MRPS31: variants seen among roughly 807,000 people sequenced by gnomAD.
MRPS31 encodes mitochondrial ribosomal protein S31.
A neutral mutation model predicts 43.1 loss-of-function variants in MRPS31; 32 were observed. The observed-to-expected ratio is 0.74, with a 90% CI of 0.56 to 1.00. The LOEUF (loss-of-function observed/expected upper bound fraction) is 1.00, where lower values mean the gene tolerates loss of function less well. Ranked by LOEUF, MRPS31 falls within the 50% of genes least tolerant of loss-of-function variation. The pLI, the probability that MRPS31 is intolerant of heterozygous loss-of-function variation, is 0.00. For synonymous variants in MRPS31, 165 were observed against 161.6 expected (o/e 1.02, Z -0.16); for missense variants, 437 against 466.7 (o/e 0.94, Z 0.59).
intron 3 of MRPS31, 79 bp from the exon 4 acceptor site, chr13:40,757,092 A>G: frequency 9.2e-7 from 1 of 1,087,818 alleles, no homozygotes; most frequent in Non-Finnish European, 1.3e-6. Flanking sequence ...AGGAGACTTG[A>G]GATCATTTAA....
At chr13:40,757,445 T>TTC (rs1397964011) in intron 3 of MRPS31, among the ~76,000 whole-genome samples, 2 of 145,822 alleles carry the variant, frequency 1.4e-5, no homozygotes, top group African/African-American at 2.5e-5. Flanking sequence ...TCTTCCTTTT[T>TTC]TTTTTTTTTT....
intron 6 of MRPS31, among the ~76,000 whole-genome samples, chr13:40,742,477 C>T (rs917555428): frequency 3.3e-5 from 5 of 152,148 alleles, no homozygotes; most frequent in African/African-American, 1.2e-4. Context: ...CCTGTCAGTA[C>T]TTTAAGGCTC....
In MRPS31 at chr13:40,766,968, T is replaced by C. The variant is rs756646860; in HGVS notation, c.218A>G (p.Gln73Arg). 6.2e-7 allele frequency: 1 copy of C among 1,614,172 alleles called. No homozygotes were observed. The highest frequency in any genetic ancestry group is 8.5e-7 in the Non-Finnish European group (1 of 1,180,002). Residue 73 changes from glutamine to arginine, a missense_variant, in exon 2 of 7, where the codon CAG becomes CGG. Gln to Arg is a conservative substitution (Grantham distance 43). Coordinates refer to ENST00000323563, the MANE Select transcript of MRPS31 (RefSeq NM_005830.4). Reference sequence around the variant, plus strand: ...GGAAGTCTCCTCAGTTCGAACAGACTGCTTATCTTTCTTGCTACAGATCAC... The same window carrying C: ...GGAAGTCTCCTCAGTTCGAACAGACCGCTTATCTTTCTTGCTACAGATCAC... ...NSVICSKKDK[Q>R]SVRTEETSKE... is the part of the protein sequence containing the mutation.
chr13:40,758,790 T>C (rs973446225), intron 3 of MRPS31, among the ~76,000 whole-genome samples, 158 bp downstream of exon 3: 1 of 152,216 alleles, frequency 6.6e-6, no homozygotes, highest in Non-Finnish European at 1.5e-5. Context: ...ACTTAAGACA[T>C]AAGTTTTTTA....
intron 6 of MRPS31, among the ~76,000 whole-genome samples, chr13:40,733,841 G>A (rs1593440428): frequency 1.3e-5 from 2 of 151,724 alleles, no homozygotes; most frequent in Admixed American, 6.6e-5. Flanking sequence ...GCATGGTGGT[G>A]GGCGCCTGTA....
Position 40,770,967 on chromosome 13 carries a change from G to C in MRPS31, c.152+18C>G, listed in dbSNP as rs894409715. On this transcript the variant is annotated intron_variant, in intron 1 of 6. Transcript: ENST00000323563. ...GGAGGATGTACAGGACGGGGCACGG[G>C]GTTGCCTGAGGACCTACCGGGCCAA... 1.9e-5 allele frequency: 30 copies of C among 1,613,900 alleles called. No individual in the cohort carries two copies. The highest frequency in any genetic ancestry group is 2.4e-5 in the Non-Finnish European group (28 of 1,179,968).
intron 4 of MRPS31, among the ~76,000 whole-genome samples, chr13:40,755,166 G>A (rs965986335): frequency 9.9e-5 from 15 of 152,124 alleles, no homozygotes; most frequent in African/African-American, 2.4e-4. Context: ...CCATATGAAC[G>A]TTAAATAATG....
chr13:40,743,488 C>T (rs902271075), intron 6 of MRPS31, among the ~76,000 whole-genome samples: 2 of 152,110 alleles, frequency 1.3e-5, no homozygotes, highest in African/African-American at 4.8e-5. Context: ...CTATAAGGAA[C>T]TCAAACAATT....
chr13:40,763,648 T>G (rs1031538991), intron 2 of MRPS31, among the ~76,000 whole-genome samples: 1 of 152,216 alleles, frequency 6.6e-6, no homozygotes, highest in Non-Finnish European at 1.5e-5. Context: ...GCATTACTTC[T>G]GGTTCCACAT....
intron 6 of MRPS31, among the ~76,000 whole-genome samples, chr13:40,733,545 A>T (rs1332725034): frequency 6.6e-6 from 1 of 152,198 alleles, no homozygotes; most frequent in Non-Finnish European, 1.5e-5. Flanking sequence ...TCCAAGGATA[A>T]CCCTCCTGAA....
rs368990241 is a variant in MRPS31 at position 40,771,160 on chromosome 13, G to C, written c.-24C>G. 2.6e-4 allele frequency: 408 copies of C among 1,580,322 alleles called. No homozygotes were observed. The highest frequency in any genetic ancestry group is 3.1e-4 in the Non-Finnish European group (361 of 1,160,896). On this transcript the variant is annotated 5_prime_UTR_variant, in exon 1 of 7. Transcript: ENST00000323563. ...ATCGCCGAGACACGAAATGAACCAA[G>C]AACACAACTGAAATGGTGCGTCCCG... is the stretch of plus-strand genomic sequence containing the variant.
At chr13:40,733,675 A>T (rs1163349881) in intron 6 of MRPS31, among the ~76,000 whole-genome samples, 1 of 152,180 alleles carries the variant, frequency 6.6e-6, no homozygotes, top group East Asian at 1.9e-4. Flanking sequence ...CAACAACATA[A>T]GACAGTGGAG....
Position 40,736,291 on chromosome 13 carries a change from G to A in MRPS31, c.959-6690C>T, listed in dbSNP as rs549625499. 2.8e-3 allele frequency among the ~76,000 whole-genome samples: 431 copies of A among 152,194 alleles called. 3 individuals are homozygous for A. Among genetic ancestry groups the A allele is most frequent in the African/African-American group, 8.9e-3 (369 of 41,496 alleles). ...AAATATGGGACTATGTGAAAAGACC[G>A]AATCTACGTCTGATTGGTGTACCTG... On this transcript the variant is annotated intron_variant, in intron 6 of 6. Transcript: ENST00000323563.
intron 6 of MRPS31, among the ~76,000 whole-genome samples, chr13:40,736,274 G>A (rs535921327): frequency 6.6e-6 from 1 of 152,150 alleles, no homozygotes; most frequent in Non-Finnish European, 1.5e-5. Flanking sequence ...AGAAATATGG[G>A]ACTATGTGAA....
intron 6 of MRPS31, among the ~76,000 whole-genome samples, chr13:40,736,457 G>T (rs1429546017): frequency 6.9e-6 from 1 of 144,742 alleles, no homozygotes; most frequent in African/African-American, 2.6e-5. Flanking sequence ...CTCGAGAAAA[G>T]CAACTCCAAG....
At chr13:40,761,884 T>C (rs1048729257) in intron 2 of MRPS31, among the ~76,000 whole-genome samples, 1 of 148,822 alleles carries the variant, frequency 6.7e-6, no homozygotes, top group Non-Finnish European at 1.5e-5. Flanking sequence ...ACCTAGCAAT[T>C]CCACTTCTAA....
chr13:40,748,647 C>T lies in MRPS31; in HGVS notation c.958+491G>A, dbSNP rs73459565. Among the ~76,000 whole-genome samples the T allele has an allele frequency of 6.2e-4, 95 of 152,308 alleles. 1 individual carries two copies. Among genetic ancestry groups the T allele is most frequent in the African/African-American group, 2.2e-3 (93 of 41,566 alleles). Reference sequence around the variant, plus strand: ...GCCAGTTCAAAGCACCTATATTATGCAGGCAAAGATTTCCAAAGCATACTG... The same window carrying T: ...GCCAGTTCAAAGCACCTATATTATGTAGGCAAAGATTTCCAAAGCATACTG... On this transcript the variant is annotated intron_variant, in intron 6 of 6. Coordinates refer to ENST00000323563, the MANE Select transcript of MRPS31 (RefSeq NM_005830.4).
Position 40,771,156 on chromosome 13 carries a change from C to G in MRPS31, c.-20G>C. On this transcript the variant is annotated 5_prime_UTR_variant, in exon 1 of 7. Transcript: ENST00000323563. ...AAACATCGCCGAGACACGAAATGAACCAAGAACACAACTGAAATGGTGCGT... is the reference window on the plus strand; with the variant it reads ...AAACATCGCCGAGACACGAAATGAAGCAAGAACACAACTGAAATGGTGCGT... 6.3e-7 allele frequency: 1 copy of G among 1,587,102 alleles called. No individual in the cohort carries two copies. Among genetic ancestry groups the G allele is most frequent in the Non-Finnish European group, 8.6e-7 (1 of 1,164,488 alleles).
At chr13:40,738,273 A>C (rs879798245) in intron 6 of MRPS31, among the ~76,000 whole-genome samples, 4,497 of 151,984 alleles carry the variant, frequency 0.03, 164 homozygotes, top group East Asian at 0.14. Context: ...CAATAACAGG[A>C]TCTGAAATTG....
Sources: gnomAD v4.1 joint callset for allele counts (sites outside exome capture counted in the v4.1 genomes callset) on GRCh38, gnomAD v4.1.1 for gene constraint, MANE v1.5 for transcripts, NCBI Gene and HGNC (gene_info 2026-07-23, HGNC 2026-07-21) for gene names.